FHOD3: variants seen among roughly 807,000 people sequenced by gnomAD.
The protein encoded by FHOD3 is formin homology 2 domain containing 3.
FHOD3 carries 90 observed loss-of-function variants against 173.0 expected under a neutral mutation model. The observed-to-expected ratio is 0.52, with a 90% CI of 0.44 to 0.62. The LOEUF is 0.62. Ranked by LOEUF, FHOD3 falls within the 20% of genes least tolerant of loss-of-function variation. FHOD3 has a pLI of 0.00. For missense variants in FHOD3, 1,945 were observed against 2,034.7 expected (o/e 0.96, Z 0.85); for synonymous variants, 828 against 823.0 (o/e 1.01, Z -0.10).
At chr18:36,634,596 C>CA (rs376642004) in intron 10 of FHOD3, among the ~76,000 whole-genome samples, 4 of 152,100 alleles carry the variant, frequency 2.6e-5, no homozygotes, top group African/African-American at 9.7e-5. Context: ...ACAAAATCTG[C>CA]AACTCAGGTG....
At chr18:36,332,698 G>C (rs561564656) in intron 1 of FHOD3, among the ~76,000 whole-genome samples, 50 of 152,334 alleles carry the variant, frequency 3.3e-4, no homozygotes, top group Non-Finnish European at 6.5e-4. Context: ...CTGCTAGGCA[G>C]GTTCTGTGCC....
intron 5 of FHOD3, chr18:36,544,576 C>T: frequency 6.6e-6 from 1 of 152,466 alleles, no homozygotes; most frequent in Admixed American, 6.5e-5. Context: ...TGCCTCTGGA[C>T]TTGCCAAAGT....
At chr18:36,662,839 C>G (rs1288015844) in intron 14 of FHOD3, among the ~76,000 whole-genome samples, 1 of 152,176 alleles carries the variant, frequency 6.6e-6, no homozygotes, top group East Asian at 1.9e-4. Context: ...TTATACTCAT[C>G]AGATAATAAC....
At chr18:36,506,800 A>G (rs2055326410) in intron 4 of FHOD3, among the ~76,000 whole-genome samples, 1 of 152,200 alleles carries the variant, frequency 6.6e-6, no homozygotes, top group South Asian at 2.1e-4. Flanking sequence ...TTAGTTTATA[A>G]AAGCAAAGAT....
chr18:36,463,495 T>C lies in FHOD3; in HGVS notation c.338-38437T>C, dbSNP rs897196188. Among the ~76,000 whole-genome samples, 6 of 19,854 alleles carry C rather than the reference T, an allele frequency of 3.0e-4. No individual in the cohort carries two copies. In the East Asian group the frequency reaches 0.012, roughly 38 times the overall value. 13.0% of individuals were successfully genotyped at this position (19,854 alleles called of 152,430 possible). On this transcript the variant is annotated intron_variant, in intron 3 of 28. Transcript: ENST00000590592. Reference sequence around the variant, plus strand: ...TATTTAAAAATTTTTTTTGTTTATTTAAAAAATATATATATTTTTTGAGAC... The same window carrying C: ...TATTTAAAAATTTTTTTTGTTTATTCAAAAAATATATATATTTTTTGAGAC...
intron 1 of FHOD3, among the ~76,000 whole-genome samples, chr18:36,327,373 G>T (rs559893789): frequency 2.6e-5 from 4 of 152,346 alleles, no homozygotes; most frequent in Admixed American, 2.0e-4. Context: ...ATAGGTATTA[G>T]CTTGGTGCAA....
chr18:36,307,023 GCA>G (rs950329046), intron 1 of FHOD3, among the ~76,000 whole-genome samples: 5 of 152,166 alleles, frequency 3.3e-5, no homozygotes, highest in Non-Finnish European at 7.3e-5. Flanking sequence ...GCATGCAGTG[GCA>G]CAGTCTCGGT....
chr18:36,527,279 A>C (rs2056565915), intron 5 of FHOD3, among the ~76,000 whole-genome samples: 1 of 152,156 alleles, frequency 6.6e-6, no homozygotes, highest in Non-Finnish European at 1.5e-5. Context: ...ATCTGGTCTA[A>C]ATTTGATTTT....
intron 3 of FHOD3, among the ~76,000 whole-genome samples, chr18:36,484,045 T>C (rs1194704630): frequency 6.6e-6 from 1 of 152,238 alleles, no homozygotes; most frequent in East Asian, 1.9e-4. Context: ...AATCTGTTCT[T>C]GTCAAGTTCC....
chr18:36,372,647 C>T (rs2047249101), intron 2 of FHOD3, 33 bp from the exon 3 acceptor site: 1 of 1,605,190 alleles, frequency 6.2e-7, no homozygotes, highest in Non-Finnish European at 8.5e-7. Flanking sequence ...GCTGACTCCT[C>T]TGATGCCCCT....
intron 2 of FHOD3, among the ~76,000 whole-genome samples, chr18:36,357,155 G>A (rs538878017): frequency 3.8e-4 from 58 of 152,248 alleles, no homozygotes; most frequent in African/African-American, 8.7e-4. Context: ...CTCAATTAAT[G>A]GAGAAAAATT....
intron 7 of FHOD3, 43 bp from the exon 8 acceptor site, chr18:36,602,631 G>A: frequency 7.3e-7 from 1 of 1,361,798 alleles, no homozygotes; most frequent in Non-Finnish European, 1.1e-6. Context: ...GATAAAGAAT[G>A]TTGATGAATT....
chr18:36,576,414 C>G (rs376312133), intron 5 of FHOD3, 37 bp from the exon 6 acceptor site: 3 of 1,429,146 alleles, frequency 2.1e-6, no homozygotes, highest in Non-Finnish European at 9.8e-7. Context: ...TTTCTATATA[C>G]ATCTATAATG....
In FHOD3 at chr18:36,298,016, GT is replaced by G. The variant is rs1953181951; in HGVS notation, c.165+17del. ...GCCGCACAAGGTACGACCCGGCGGGGTGGGCTGGGCCCCCTGGACTCAGCCC... is the reference window on the plus strand; with the variant it reads ...GCCGCACAAGGTACGACCCGGCGGGGGGGCTGGGCCCCCTGGACTCAGCCC... On this transcript the variant is annotated intron_variant, in intron 1 of 28. Coordinates refer to ENST00000590592, the MANE Select transcript of FHOD3 (RefSeq NM_001281740.3). 6.6e-7 allele frequency: 1 copy of G among 1,517,614 alleles called. No individual in the cohort carries two copies. Among genetic ancestry groups the G allele is most frequent in the African/African-American group, 1.4e-5 (1 of 69,620 alleles). The allele number at this position is 1,517,614 out of a possible 1,614,324, so 94.0% of individuals were successfully genotyped here.
At chr18:36,403,067 G>C (rs1402546443) in intron 3 of FHOD3, among the ~76,000 whole-genome samples, 1 of 152,132 alleles carries the variant, frequency 6.6e-6, no homozygotes, top group Non-Finnish European at 1.5e-5. Context: ...GAGGGTGCAG[G>C]GTGCAGAATC....
At chr18:36,592,470 C>T (rs1236447364) in intron 6 of FHOD3, among the ~76,000 whole-genome samples, 1 of 152,128 alleles carries the variant, frequency 6.6e-6, no homozygotes, top group Non-Finnish European at 1.5e-5. Context: ...TGCACTGGGC[C>T]GGAGAGGGGG....
chr18:36,640,468 G>A (rs189289193), intron 10 of FHOD3, among the ~76,000 whole-genome samples: 22 of 152,286 alleles, frequency 1.4e-4, no homozygotes, highest in African/African-American at 5.1e-4. Context: ...GAGTCACTGT[G>A]AGGCCAAGAT....
At chr18:36,389,130 C>A (rs1291474732) in intron 3 of FHOD3, among the ~76,000 whole-genome samples, 1 of 152,086 alleles carries the variant, frequency 6.6e-6, no homozygotes, top group Non-Finnish European at 1.5e-5. Flanking sequence ...GTGTAGATGA[C>A]ATCTTGCTGC....
Position 36,334,801 on chromosome 18 carries a change from A to G in FHOD3, c.166-20738A>G, listed in dbSNP as rs888396793. On this transcript the variant is annotated intron_variant, in intron 1 of 28. Coordinates refer to ENST00000590592, the MANE Select transcript of FHOD3 (RefSeq NM_001281740.3). ...TAATGGATAATCTGATTTAGGTTTTAGTGGAATAAAAGTGTGACTGAAAGA... is the reference window on the plus strand; with the variant it reads ...TAATGGATAATCTGATTTAGGTTTTGGTGGAATAAAAGTGTGACTGAAAGA... 5.2e-4 allele frequency among the ~76,000 whole-genome samples: 79 copies of G among 152,232 alleles called. 3 individuals are homozygous for G.
Sources: allele counts gnomAD v4.1 joint callset (sites outside exome capture counted in the v4.1 genomes callset), GRCh38; gene constraint gnomAD v4.1.1; transcripts MANE v1.5; gene names NCBI Gene and HGNC (gene_info 2026-07-23, HGNC 2026-07-21).